Variants in ADAMTS6 observed in about 807,000 individuals in gnomAD.
ADAMTS6 encodes A disintegrin and metalloproteinase with thrombospondin motifs 6.
A neutral mutation model predicts 144.3 loss-of-function variants in ADAMTS6; 23 were observed. The observed-to-expected ratio is 0.16, with a 90% CI of 0.11 to 0.23. ADAMTS6 has a LOEUF of 0.23. ADAMTS6 is among the 10% of genes least tolerant of loss of function. The pLI, the probability that ADAMTS6 is intolerant of heterozygous loss-of-function variation, is 1.00. For missense variants in ADAMTS6, 999 were observed against 1,379.6 expected (o/e 0.72, Z 4.37); for synonymous variants, 444 against 457.5 (o/e 0.97, Z 0.38).
At chr5:65,364,398 A>G (rs1344906774) in intron 7 of ADAMTS6, among the ~76,000 whole-genome samples, 1 of 152,120 alleles carries the variant, frequency 6.6e-6, no homozygotes, top group Non-Finnish European at 1.5e-5. Flanking sequence ...TTAAAATATC[A>G]TGGAGTATCA....
intron 4 of ADAMTS6, among the ~76,000 whole-genome samples, chr5:65,458,989 G>A (rs921579011): frequency 1.3e-5 from 2 of 151,940 alleles, no homozygotes; most frequent in Non-Finnish European, 2.9e-5. Flanking sequence ...TCTTTTTGCT[G>A]TGCTATGTTA....
At chr5:65,218,999 G>C (rs527803687) in intron 18 of ADAMTS6, among the ~76,000 whole-genome samples, 1 of 152,020 alleles carries the variant, frequency 6.6e-6, no homozygotes, top group South Asian at 2.1e-4. Context: ...TAGCTAATAA[G>C]CTATTTATTA....
intron 7 of ADAMTS6, among the ~76,000 whole-genome samples, chr5:65,426,690 C>T (rs1756565066): frequency 6.6e-6 from 1 of 151,902 alleles, no homozygotes; most frequent in Non-Finnish European, 1.5e-5. Flanking sequence ...CAGACTGCTG[C>T]ATAGAGTGAC....
At chr5:65,239,691 T>G (rs1759000510) in intron 15 of ADAMTS6, among the ~76,000 whole-genome samples, 1 of 151,932 alleles carries the variant, frequency 6.6e-6, no homozygotes, top group Non-Finnish European at 1.5e-5. Context: ...AACAACCCAA[T>G]TAAAAATAGG....
chr5:65,404,296 T>A (rs1754220187), intron 7 of ADAMTS6, among the ~76,000 whole-genome samples: 1 of 152,130 alleles, frequency 6.6e-6, no homozygotes, highest in East Asian at 1.9e-4. Context: ...CCCTGCTCCC[T>A]GCCCCTACCC....
intron 9 of ADAMTS6, 88 bp downstream of exon 9, chr5:65,329,290 G>C: frequency 8.7e-7 from 1 of 1,151,702 alleles, no homozygotes; most frequent in Non-Finnish European, 1.3e-6. Context: ...AGTAAAATAA[G>C]GTTCAGCACA....
At chr5:65,255,795 A>G (rs967803851) in intron 14 of ADAMTS6, among the ~76,000 whole-genome samples, 13 of 152,224 alleles carry the variant, frequency 8.5e-5, no homozygotes, top group African/African-American at 2.9e-4. Flanking sequence ...TGTCAGAATA[A>G]CCTAGTCTAT....
chr5:65,228,822 A>G (rs568515380), intron 15 of ADAMTS6, among the ~76,000 whole-genome samples: 2 of 152,346 alleles, frequency 1.3e-5, no homozygotes, highest in South Asian at 2.1e-4. Flanking sequence ...TGCCTCATCC[A>G]GAATACTGAG....
chr5:65,363,728 T>C (rs1750042984), intron 7 of ADAMTS6, among the ~76,000 whole-genome samples: 1 of 152,152 alleles, frequency 6.6e-6, no homozygotes, highest in African/African-American at 2.4e-5. Flanking sequence ...GTGTAACATA[T>C]TCAATTAAGA....
chr5:65,398,806 AAGAAAG>A (rs1303846401), intron 7 of ADAMTS6, among the ~76,000 whole-genome samples: 2 of 95,430 alleles, frequency 2.1e-5, no homozygotes, highest in African/African-American at 8.5e-5. Context: ...GAAAGAAAGA[AAGAAAG>A]AAAGAAAGAA....
At chr5:65,360,664 A>T (rs1749741278) in intron 7 of ADAMTS6, among the ~76,000 whole-genome samples, 1 of 152,170 alleles carries the variant, frequency 6.6e-6, no homozygotes, top group South Asian at 2.1e-4. Context: ...TGAAGGCAAT[A>T]TTGTATTTGT....
intron 15 of ADAMTS6, among the ~76,000 whole-genome samples, chr5:65,226,862 C>T (rs1395348689): frequency 6.6e-6 from 1 of 152,032 alleles, no homozygotes; most frequent in Admixed American, 6.6e-5. Flanking sequence ...GGATTACAGG[C>T]GTGAGCCACC....
chr5:65,336,320 G>C lies in ADAMTS6; in HGVS notation c.1074-2235C>G, dbSNP rs78736231. On this transcript the variant is annotated intron_variant, in intron 7 of 24. Transcript: ENST00000381055. ...TGCCTGTCTCTGATGATAAACACAAGAGAAACTTGATAATTAGCCAATGAA... is the reference window on the plus strand; with the variant it reads ...TGCCTGTCTCTGATGATAAACACAACAGAAACTTGATAATTAGCCAATGAA... Among the ~76,000 whole-genome samples, 493 of 152,168 alleles carry C rather than the reference G, an allele frequency of 3.2e-3. 18 individuals are homozygous for C. In the East Asian group the frequency reaches 0.086, roughly 27 times the overall value.
At chr5:65,183,205 C>T (rs550099914) in intron 22 of ADAMTS6, among the ~76,000 whole-genome samples, 4 of 152,276 alleles carry the variant, frequency 2.6e-5, no homozygotes, top group African/African-American at 9.6e-5. Context: ...CTTATTCCTT[C>T]TGCTTTCTTG....
chr5:65,180,136 A>T (rs1754253249), intron 22 of ADAMTS6, among the ~76,000 whole-genome samples: 1 of 152,220 alleles, frequency 6.6e-6, no homozygotes, highest in South Asian at 2.1e-4. Flanking sequence ...GCACATGTAC[A>T]CACATGGATT....
intron 8 of ADAMTS6, among the ~76,000 whole-genome samples, chr5:65,331,328 G>T (rs1746698066): frequency 6.6e-6 from 1 of 152,032 alleles, no homozygotes; most frequent in East Asian, 1.9e-4. Flanking sequence ...TTTGGTATGT[G>T]CCATGTGGCT....
chr5:65,227,624 C>T (rs938591675), intron 15 of ADAMTS6, among the ~76,000 whole-genome samples: 3 of 150,684 alleles, frequency 2.0e-5, no homozygotes, highest in Non-Finnish European at 4.4e-5. Context: ...TGCAGGTTGA[C>T]GGTAAGCAAA....
chr5:65,362,416 C>T (rs919310923), intron 7 of ADAMTS6, among the ~76,000 whole-genome samples: 23 of 152,134 alleles, frequency 1.5e-4, no homozygotes, highest in African/African-American at 5.3e-4. Flanking sequence ...ACAATCTAAT[C>T]AAAAATCATT....
intron 7 of ADAMTS6, among the ~76,000 whole-genome samples, chr5:65,394,115 T>A (rs1331655314): frequency 6.6e-6 from 1 of 152,202 alleles, no homozygotes; most frequent in Non-Finnish European, 1.5e-5. Flanking sequence ...GCAGGATCTA[T>A]GTTTCTTTCC....
Sources: allele counts gnomAD v4.1 joint callset (sites outside exome capture counted in the v4.1 genomes callset), GRCh38; gene constraint gnomAD v4.1.1; transcripts MANE v1.5; gene names NCBI Gene and HGNC (gene_info 2026-07-23, HGNC 2026-07-21).